The following JAM3 variants were observed in gnomAD, a reference collection of about 807,000 sequenced individuals.
JAM3 encodes the protein junctional adhesion molecule C.
A neutral mutation model predicts 39.4 loss-of-function variants in JAM3; 31 were observed. The observed-to-expected ratio is 0.79, with a 90% confidence interval of 0.59 to 1.06. The LOEUF (loss-of-function observed/expected upper bound fraction) is 1.06, where lower values mean the gene tolerates loss of function less well. Ranked by LOEUF, JAM3 falls within the 50% of genes least tolerant of loss-of-function variation. JAM3 has a pLI of 0.00. For synonymous variants in JAM3, 182 were observed against 148.7 expected, an observed-to-expected ratio of 1.22 and a Z score of -1.63; for missense variants, 455 against 391.4, an observed-to-expected ratio of 1.16 and a Z score of -1.37.
intron 2 of JAM3, 87 bp from the exon 3 acceptor site, chr11:134,140,570 T>C (rs1942955745): frequency 9.1e-7 from 1 of 1,095,306 alleles, no homozygotes. Context: ...AAAGGCCTCT[T>C]GAATTAGAGC....
chr11:134,133,983 A>G (rs1272055304), intron 1 of JAM3, among the ~76,000 whole-genome samples: 1 of 152,184 alleles, frequency 6.6e-6, no homozygotes, highest in Non-Finnish European at 1.5e-5. Flanking sequence ...TTAATATGCT[A>G]AGGGTTCTAA....
chr11:134,142,365 T>A (rs748464629), intron 3 of JAM3, among the ~76,000 whole-genome samples: 10 of 152,142 alleles, frequency 6.6e-5, no homozygotes, highest in Non-Finnish European at 1.5e-4. Context: ...CCTCCACTAA[T>A]GGGTGGGTGT....
At position 134,145,069 on chromosome 11, in the gene JAM3, T is replaced by C. The variant is rs1028322933; in HGVS notation, c.612+75T>C. On this transcript the variant is annotated intron_variant, in intron 5 of 8. Transcript: ENST00000299106. Reference sequence around the variant, plus strand: ...GAGATGCTTATTGTGAAAAGAAGATTAGGAGAGATACTGAAACTTCTTGAT... The same window carrying C: ...GAGATGCTTATTGTGAAAAGAAGATCAGGAGAGATACTGAAACTTCTTGAT... 7 of 1,232,376 alleles carry C rather than the reference T, an allele frequency of 5.7e-6. No individual in the cohort carries two copies. In the African/African-American group the frequency reaches 1.0e-4, roughly 18 times the overall value. 76.3% of individuals were successfully genotyped at this position (1,232,376 alleles called of 1,614,324 possible). A position where few individuals can be genotyped will look rare whatever the true frequency, so the allele number is the denominator to read the frequency against.
chr11:134,072,134 G>A (rs778503561), intron 1 of JAM3, among the ~76,000 whole-genome samples: 6 of 152,142 alleles, frequency 3.9e-5, no homozygotes, highest in Non-Finnish European at 7.4e-5. Flanking sequence ...TGTAACAGAC[G>A]CAGCTATGGA....
At chr11:134,141,454 A>G (rs999613399) in intron 3 of JAM3, among the ~76,000 whole-genome samples, 4 of 146,498 alleles carry the variant, frequency 2.7e-5, no homozygotes, top group South Asian at 2.1e-4. Context: ...GAGAGGGAGG[A>G]GAGGGGGGAG....
intron 1 of JAM3, among the ~76,000 whole-genome samples, chr11:134,109,561 A>G (rs907080310): frequency 1.3e-5 from 2 of 152,246 alleles, no homozygotes; most frequent in Non-Finnish European, 1.5e-5. Context: ...ACAGGTCTCA[A>G]TCAATTGAGA....
intron 3 of JAM3, among the ~76,000 whole-genome samples, chr11:134,141,098 T>C (rs989470960): frequency 1.3e-5 from 2 of 151,994 alleles, no homozygotes; most frequent in Admixed American, 1.3e-4. Flanking sequence ...ATGTGAGTGA[T>C]GTAGGTGAGT....
At chr11:134,147,708 GA>G (rs370219101) in intron 6 of JAM3, 28,731 of 120,838 alleles carry the variant, frequency 0.24, 2,897 homozygotes, top group African/African-American at 0.32. Flanking sequence ...GGATGGTCTC[GA>G]ATCTCTGACC....
intron 1 of JAM3, among the ~76,000 whole-genome samples, chr11:134,096,958 ATG>A (rs1302062345): frequency 8.5e-5 from 11 of 129,748 alleles, no homozygotes; most frequent in Admixed American, 2.5e-4. Context: ...TTTTGCTAAC[ATG>A]TGGCACTTTG....
intron 1 of JAM3, among the ~76,000 whole-genome samples, chr11:134,135,742 A>C (rs925260904): frequency 3.9e-5 from 6 of 151,902 alleles, no homozygotes; most frequent in African/African-American, 1.4e-4. Flanking sequence ...TAATATCTAG[A>C]CAGGTATCTA....
At chr11:134,125,224 TTC>T (rs202070382) in intron 1 of JAM3, among the ~76,000 whole-genome samples, 3 of 152,184 alleles carry the variant, frequency 2.0e-5, no homozygotes, top group Non-Finnish European at 2.9e-5. Context: ...CCGCCCCCTC[TTC>T]TCTCTCTCAA....
rs541835684 is a variant in JAM3, at chr11:134,141,427, C to T, written c.256+657C>T. 4.0e-5 allele frequency among the ~76,000 whole-genome samples: 6 copies of T among 151,770 alleles called. No homozygotes were observed. In the East Asian group the frequency reaches 5.8e-4, roughly 15 times the overall value. ...AAGACTGGAAGTTCCCCACTGTTGCCGGTACATGGACAGGGAGAGAGGGAG... is the reference window on the plus strand; with the variant it reads ...AAGACTGGAAGTTCCCCACTGTTGCTGGTACATGGACAGGGAGAGAGGGAG... On this transcript the variant is annotated intron_variant, in intron 3 of 8. Transcript: ENST00000299106.
chr11:134,126,403 T>C (rs1298639334), intron 1 of JAM3: 1 of 152,298 alleles, frequency 6.6e-6, no homozygotes, highest in Non-Finnish European at 1.5e-5. Flanking sequence ...TTGCCCATGC[T>C]GCAGTGCCTT....
chr11:134,091,925 T>C (rs189110692), intron 1 of JAM3, among the ~76,000 whole-genome samples: 2 of 152,048 alleles, frequency 1.3e-5, no homozygotes, highest in Admixed American at 1.3e-4. Flanking sequence ...ATTTATAATC[T>C]TACTATCAGG....
At chr11:134,139,014 T>C (rs470459) in intron 1 of JAM3, among the ~76,000 whole-genome samples, 56,217 of 151,862 alleles carry the variant, frequency 0.37, 10,921 homozygotes, top group African/African-American at 0.49. Flanking sequence ...AGGTGTTCTG[T>C]ATGAAGGCCT....
intron 1 of JAM3, among the ~76,000 whole-genome samples, chr11:134,137,127 AGAAG>A (rs1942881427): frequency 1.0e-5 from 1 of 99,220 alleles, no homozygotes; most frequent in Non-Finnish European, 2.0e-5. Context: ...AAAAAAAAAA[AGAAG>A]AAGAAGTATA....
At chr11:134,137,010 G>A (rs894316565) in intron 1 of JAM3, among the ~76,000 whole-genome samples, 1 of 152,078 alleles carries the variant, frequency 6.6e-6, no homozygotes, top group Admixed American at 6.5e-5. Context: ...CTACTTGGGA[G>A]GCTGAGGCAG....
At chr11:134,141,067 G>C (rs1942965303) in intron 3 of JAM3, among the ~76,000 whole-genome samples, 1 of 152,090 alleles carries the variant, frequency 6.6e-6, no homozygotes, top group African/African-American at 2.4e-5. Context: ...CATTTTCCTA[G>C]GCCATCTTCT....
At chr11:134,096,698 T>G (rs1006317176) in intron 1 of JAM3, among the ~76,000 whole-genome samples, 1 of 152,196 alleles carries the variant, frequency 6.6e-6, no homozygotes, top group African/African-American at 2.4e-5. Flanking sequence ...TCTTTTGACG[T>G]TTCCAGCTAT....
Sources: gnomAD v4.1 joint callset for allele counts (sites outside exome capture counted in the v4.1 genomes callset) on GRCh38, gnomAD v4.1.1 for gene constraint, MANE v1.5 for transcripts, NCBI Gene and HGNC (gene_info 2026-07-23, HGNC 2026-07-21) for gene names.